Variants in SAMD4B observed in about 807,000 individuals in gnomAD.
The protein encoded by SAMD4B is protein Smaug homolog 2.
A neutral mutation model predicts 74.5 loss-of-function variants in SAMD4B; 5 were observed. The observed-to-expected ratio is 0.07, with a 90% CI of 0.04 to 0.14. The LOEUF (loss-of-function observed/expected upper bound fraction) is 0.14. Ranked by LOEUF, SAMD4B falls within the 10% of genes least tolerant of loss-of-function variation. The probability of loss-of-function intolerance (pLI) is 1.00; values close to 1 mark genes in which losing one functional copy is unlikely to be tolerated. For missense variants in SAMD4B, 608 were observed against 921.8 expected (o/e 0.66, Z 4.41); for synonymous variants, 373 against 374.9 (o/e 1.00, Z 0.06).
chr19:39,361,674 A>G (rs2076661129), intron 3 of SAMD4B, among the ~76,000 whole-genome samples: 2 of 151,348 alleles, frequency 1.3e-5, no homozygotes, highest in South Asian at 4.2e-4. Context: ...CTGTAATCCC[A>G]GCACTTTCGG....
At chr19:39,380,378 T>G (rs1404165876) in intron 10 of SAMD4B, among the ~76,000 whole-genome samples, 18 of 152,226 alleles carry the variant, frequency 1.2e-4, no homozygotes, top group Admixed American at 1.1e-3. Flanking sequence ...AATTGAAGAT[T>G]GGAGAACTGT....
At chr19:39,368,916 A>G (rs749412216) in intron 3 of SAMD4B, among the ~76,000 whole-genome samples, 1 of 152,210 alleles carries the variant, frequency 6.6e-6, no homozygotes, top group African/African-American at 2.4e-5. Flanking sequence ...CCAGAGCCCA[A>G]GCTTTTAACT....
chr19:39,386,790 A>G (rs780184059), downstream of SAMD4B: 32 of 1,612,642 alleles, frequency 2.0e-5, no homozygotes, highest in Non-Finnish European at 2.6e-5. The surrounding 1 kb of genome is among the most constrained non-coding windows in gnomAD (Gnocchi z 6.1). Flanking sequence ...GGCGCTTACT[A>G]AGGCGGACCC....
At chr19:39,390,205 C>T (rs1184714841), downstream of SAMD4B, 5 of 1,612,782 alleles carry the variant, frequency 3.1e-6, no homozygotes, top group Non-Finnish European at 4.2e-6. Context: ...GCTGCCCCAC[C>T]TCTGCTCCCA....
intron 3 of SAMD4B, chr19:39,369,376 G>T: frequency 2.2e-6 from 1 of 449,854 alleles, no homozygotes; most frequent in Non-Finnish European, 4.1e-6. Flanking sequence ...CTCCCGTGCT[G>T]ATCAATAGTG....
At chr19:39,355,853 CAAG>C (rs2076315035) in intron 2 of SAMD4B, among the ~76,000 whole-genome samples, 1 of 152,188 alleles carries the variant, frequency 6.6e-6, no homozygotes, top group African/African-American at 2.4e-5. Context: ...GAGCCTGAGA[CAAG>C]CTGGCATCTC....
At chr19:39,371,209 A>C (rs1444371585) in intron 4 of SAMD4B, among the ~76,000 whole-genome samples, 2 of 152,182 alleles carry the variant, frequency 1.3e-5, no homozygotes, top group South Asian at 2.1e-4. Context: ...TTAAAGCAAG[A>C]CAAGAGAGAG....
At chr19:39,382,925 A>C (rs927424481) in intron 12 of SAMD4B, among the ~76,000 whole-genome samples, 1 of 151,752 alleles carries the variant, frequency 6.6e-6, no homozygotes, top group Non-Finnish European at 1.5e-5. Flanking sequence ...TGTCCAGAGT[A>C]GTCACAGCAG....
At chr19:39,381,433 T>A (rs2077979135) in intron 12 of SAMD4B, 1 of 236,872 alleles carries the variant, frequency 4.2e-6, no homozygotes, top group Non-Finnish European at 8.2e-6. Context: ...CTTTACAGGA[T>A]CATTGAATAC....
chr19:39,386,047 C>G (rs201912849), downstream of SAMD4B: 2 of 1,613,994 alleles, frequency 1.2e-6, no homozygotes, highest in Admixed American at 3.3e-5. The surrounding 1 kb of genome is among the most constrained non-coding windows in gnomAD (Gnocchi z 6.1). Flanking sequence ...TCACTGCCAT[C>G]CTCCTGGGCC....
At chr19:39,367,964 C>G (rs1030639866) in intron 3 of SAMD4B, among the ~76,000 whole-genome samples, 1 of 151,726 alleles carries the variant, frequency 6.6e-6, no homozygotes, top group African/African-American at 2.4e-5. Flanking sequence ...CCTGTAATCC[C>G]AGCACTTTGG....
At chr19:39,388,230 T>C, downstream of SAMD4B, 2 of 1,034,672 alleles carry the variant, frequency 1.9e-6, no homozygotes, top group Non-Finnish European at 3.0e-6. Context: ...TGTTTACCAA[T>C]GCATATGACA....
At chr19:39,358,034 G>A (rs1024062462) in intron 3 of SAMD4B, among the ~76,000 whole-genome samples, 2 of 152,202 alleles carry the variant, frequency 1.3e-5, no homozygotes, top group African/African-American at 4.8e-5. Context: ...ACTTTAGGAG[G>A]CTGAGGCAGG....
At chr19:39,362,911 G>A (rs780287637) in intron 3 of SAMD4B, among the ~76,000 whole-genome samples, 12 of 152,018 alleles carry the variant, frequency 7.9e-5, no homozygotes, top group Non-Finnish European at 1.2e-4. Context: ...TCAGAGCTCA[G>A]CCCTGTCCTC....
chr19:39,345,624 A>T (rs575913948), intron 1 of SAMD4B, among the ~76,000 whole-genome samples: 2 of 151,936 alleles, frequency 1.3e-5, no homozygotes, highest in Admixed American at 6.6e-5. Context: ...CTCACCTTCA[A>T]CCTTGTAGAT....
Position 39,356,759 on chromosome 19 carries a change from G to A in SAMD4B, c.-135G>A, listed in dbSNP as rs775041589. The A allele has an allele frequency of 1.6e-5, 11 of 679,300 alleles. No homozygotes were observed. Among genetic ancestry groups the A allele is most frequent in the South Asian group, 2.2e-5 (1 of 45,110 alleles). The allele number at this position is 679,300 out of a possible 1,614,324, so 42.1% of individuals were successfully genotyped here. On this transcript the variant is annotated 5_prime_UTR_variant, in exon 3 of 14. Transcript: ENST00000610417. The stretch of plus-strand genomic sequence containing the variant: ...CAGGCTTCCTCCTCCCCCAACAACC[G>A]TTGCCACCACGCCCAGAAACGTCCT...
At position 39,377,832 on chromosome 19, in the gene SAMD4B, C is replaced by G. The variant is rs754555924; in HGVS notation, c.1444+8C>G. 27 of 1,568,018 alleles carry G rather than the reference C, an allele frequency of 1.7e-5. No homozygotes were observed. Among genetic ancestry groups the G allele is most frequent in the Non-Finnish European group, 2.3e-5 (26 of 1,153,874 alleles). ...CACGGGTGATGGGCAAAGGTGAGACCAGCCACAGCCTAGCAGGAAATCCTG... is the reference window on the plus strand; with the variant it reads ...CACGGGTGATGGGCAAAGGTGAGACGAGCCACAGCCTAGCAGGAAATCCTG... On this transcript the variant is annotated splice_region_variant and intron_variant, in intron 8 of 13. Transcript: ENST00000610417.
intron 3 of SAMD4B, among the ~76,000 whole-genome samples, chr19:39,361,748 C>A (rs953346623): frequency 1.3e-5 from 2 of 151,616 alleles, no homozygotes; most frequent in Non-Finnish European, 2.9e-5. Flanking sequence ...ACGGTGAAAC[C>A]CCATCTCTAC....
chr19:39,356,106 C>T (rs1392046172), intron 2 of SAMD4B, among the ~76,000 whole-genome samples: 1 of 149,814 alleles, frequency 6.7e-6, no homozygotes, highest in Admixed American at 6.6e-5. Flanking sequence ...AGTTACTAAT[C>T]AGATGGCTGG....
Sources: gnomAD v4.1 joint callset for allele counts (sites outside exome capture counted in the v4.1 genomes callset) on GRCh38, gnomAD v4.1.1 for gene constraint, Gnocchi (gnomAD v3.1) non-coding constraint, MANE v1.5 for transcripts, NCBI Gene and HGNC (gene_info 2026-07-23, HGNC 2026-07-21) for gene names.